The following DYM variants were observed in gnomAD, a reference collection of about 807,000 sequenced individuals.
DYM encodes the protein dyggve-Melchior-Clausen syndrome protein.
DYM carries 78 observed loss-of-function variants against 93.1 expected under a neutral mutation model. The ratio of observed to expected loss-of-function variants is 0.84; its 90% CI spans 0.70 to 1.01. The LOEUF is 1.01. Among genes scored for constraint, DYM ranks in the 50% least tolerant of loss-of-function variants. The pLI is 0.00. For missense variants in DYM, 789 were observed against 845.0 expected, an observed-to-expected ratio of 0.93 and a Z score of 0.82; for synonymous variants, 321 against 319.7, an observed-to-expected ratio of 1.00 and a Z score of -0.04.
intron 13 of DYM, among the ~76,000 whole-genome samples, chr18:49,243,675 A>AG (rs1202171283): frequency 1.3e-5 from 2 of 151,418 alleles, no homozygotes; most frequent in Admixed American, 1.3e-4. Flanking sequence ...TCAAAAAAAA[A>AG]AAAAAAGAAA....
intron 15 of DYM, among the ~76,000 whole-genome samples, chr18:49,163,217 C>T (rs1388226443): frequency 6.6e-6 from 1 of 152,098 alleles, no homozygotes; most frequent in African/African-American, 2.4e-5. Context: ...AACTTGTTCC[C>T]TTGATTTGAG....
At chr18:49,277,018 G>A (rs2145640706) in intron 10 of DYM, among the ~76,000 whole-genome samples, 1 of 152,280 alleles carries the variant, frequency 6.6e-6, no homozygotes, top group South Asian at 2.1e-4. Flanking sequence ...ATGAGACAGA[G>A]GAGTCAAAGC....
At position 49,130,895 on chromosome 18, in the gene DYM, T is replaced by C. The variant is rs988131651; in HGVS notation, c.1729-11969A>G. Among the ~76,000 whole-genome samples the C allele has an allele frequency of 6.6e-5, 10 of 152,180 alleles. No individual in the cohort carries two copies. The East Asian group carries it at 9.6e-4, about 15-fold the overall frequency. Reference sequence around the variant, plus strand: ...AGGACATAGACAAATAGTAGGAACATAGGCCCTGGAGTCAGCCTTGAATCC... The same window carrying C: ...AGGACATAGACAAATAGTAGGAACACAGGCCCTGGAGTCAGCCTTGAATCC... On this transcript the variant is annotated intron_variant, in intron 15 of 17. Coordinates refer to ENST00000675505, the MANE Select transcript of DYM (RefSeq NM_001353214.3).
intron 14 of DYM, among the ~76,000 whole-genome samples, chr18:49,202,644 C>T (rs1435451482): frequency 2.0e-4 from 23 of 114,670 alleles, no homozygotes; most frequent in Non-Finnish European, 4.0e-4. Flanking sequence ...TCTGCCCCGC[C>T]GCCCCATCTG....
chr18:49,105,891 T>C (rs1360641356), intron 16 of DYM, among the ~76,000 whole-genome samples: 1 of 152,238 alleles, frequency 6.6e-6, no homozygotes, highest in Non-Finnish European at 1.5e-5. Context: ...TCTGCTGATT[T>C]GGGGTGGAGA....
intron 2 of DYM, among the ~76,000 whole-genome samples, chr18:49,413,450 A>T (rs2148226592): frequency 6.6e-6 from 1 of 150,540 alleles, no homozygotes; most frequent in Non-Finnish European, 1.5e-5. Context: ...TAGCAGAATT[A>T]TATTATCATT....
At chr18:49,448,061 T>C (rs6417103) in intron 1 of DYM, among the ~76,000 whole-genome samples, 103,696 of 151,820 alleles carry the variant, frequency 0.68, 36,509 homozygotes, top group East Asian at 0.99. Flanking sequence ...GTCAGTCCAA[T>C]GAAACATCCT....
intron 8 of DYM, among the ~76,000 whole-genome samples, chr18:49,299,584 C>T (rs1396350332): frequency 6.6e-6 from 1 of 152,172 alleles, no homozygotes; most frequent in Non-Finnish European, 1.5e-5. Flanking sequence ...ATCTTTCCTG[C>T]TAAACTGTGG....
rs2070819443 is a variant in DYM, at chr18:49,039,375, T to C, written c.*4680A>G. Among the ~76,000 whole-genome samples, 1 of 152,244 alleles carries C rather than the reference T, an allele frequency of 6.6e-6. No homozygotes were observed. Among genetic ancestry groups the C allele is most frequent in the African/African-American group, 2.4e-5 (1 of 41,470 alleles). On this transcript the variant is annotated 3_prime_UTR_variant, in exon 18 of 18. Coordinates refer to ENST00000675505, the MANE Select transcript of DYM (RefSeq NM_001353214.3). ...TTCAACAGTTTTACTATGATGTTTC[T>C]AGGTGTGGGTTGTTTTTATTTATCC...
chr18:49,389,689 A>T (rs943205240), intron 3 of DYM, among the ~76,000 whole-genome samples: 1 of 151,806 alleles, frequency 6.6e-6, no homozygotes. Context: ...TTGCGTGTAG[A>T]TGGGTAAGAT....
chr18:49,161,755 G>A (rs537947627), intron 15 of DYM, among the ~76,000 whole-genome samples: 7 of 152,270 alleles, frequency 4.6e-5, no homozygotes, highest in Non-Finnish European at 8.8e-5. Flanking sequence ...ACACACACAC[G>A]AGAAAAAACT....
At position 49,125,872 on chromosome 18, in the gene DYM, G is replaced by A. The variant is rs797000050; in HGVS notation, c.1729-6946C>T. Among the ~76,000 whole-genome samples, 5 of 152,194 alleles carry A rather than the reference G, an allele frequency of 3.3e-5. 1 individual carries two copies. Among genetic ancestry groups the A allele is most frequent in the African/African-American group, 1.2e-4 (5 of 41,520 alleles). On this transcript the variant is annotated intron_variant, in intron 15 of 17. Coordinates refer to ENST00000675505, the MANE Select transcript of DYM (RefSeq NM_001353214.3). ...GAAGTCTGTCGCCCTACTCCTACTC[G>A]CCAGTCTTCAGTCTATTCCACTGTT...
intron 13 of DYM, among the ~76,000 whole-genome samples, chr18:49,218,879 A>G (rs1424526675): frequency 1.3e-5 from 2 of 152,120 alleles, no homozygotes; most frequent in Non-Finnish European, 2.9e-5. Context: ...TTCAAAAGCT[A>G]GCAGAAGGCA....
intron 14 of DYM, among the ~76,000 whole-genome samples, chr18:49,196,129 T>C (rs758512290): frequency 2.0e-5 from 3 of 152,080 alleles, no homozygotes; most frequent in Non-Finnish European, 1.5e-5. Context: ...TTTCGCCATG[T>C]TGGCCAGGCT....
At chr18:49,299,038 C>G (rs1374305650) in intron 8 of DYM, among the ~76,000 whole-genome samples, 1 of 152,138 alleles carries the variant, frequency 6.6e-6, no homozygotes, top group Non-Finnish European at 1.5e-5. Flanking sequence ...GCAGACAACC[C>G]TTCCTTTAAA....
intron 8 of DYM, among the ~76,000 whole-genome samples, chr18:49,306,389 C>A (rs2061276656): frequency 6.6e-6 from 1 of 152,114 alleles, no homozygotes; most frequent in Admixed American, 6.5e-5. Flanking sequence ...CAGAAAAATC[C>A]AGTTGGCTCA....
chr18:49,110,345 T>G (rs2081279300), intron 16 of DYM, among the ~76,000 whole-genome samples: 1 of 152,254 alleles, frequency 6.6e-6, no homozygotes, highest in Non-Finnish European at 1.5e-5. Flanking sequence ...AGATCCAAGT[T>G]TCTATCAGAT....
At chr18:49,246,270 T>G (rs1330187941) in intron 13 of DYM, among the ~76,000 whole-genome samples, 1 of 152,252 alleles carries the variant, frequency 6.6e-6, no homozygotes, top group African/African-American at 2.4e-5. Flanking sequence ...GTATTTACAT[T>G]GGACACGTGA....
chr18:49,127,313 C>T (rs757487349), intron 15 of DYM, among the ~76,000 whole-genome samples: 3 of 152,110 alleles, frequency 2.0e-5, no homozygotes, highest in Admixed American at 6.5e-5. Context: ...AAATTCTATG[C>T]GAAGTAGTAA....
Sources: gnomAD v4.1 joint callset for allele counts (sites outside exome capture counted in the v4.1 genomes callset) on GRCh38, gnomAD v4.1.1 for gene constraint, MANE v1.5 for transcripts, NCBI Gene and HGNC (gene_info 2026-07-23, HGNC 2026-07-21) for gene names.